Variants in LDB2 observed in about 807,000 individuals in gnomAD.
LDB2 encodes LIM domain binding 2.
Under a neutral mutation model 44.3 loss-of-function variants are expected in LDB2, and 12 were observed. That is an observed-to-expected ratio of 0.27 (90% CI 0.17 to 0.44). The LOEUF is 0.44. Ranked by LOEUF, LDB2 falls within the 20% of genes least tolerant of loss-of-function variation. The pLI, the probability that LDB2 is intolerant of heterozygous loss-of-function variation, is 1.00. For synonymous variants in LDB2, 164 were observed against 174.8 expected (o/e 0.94, Z 0.49); for missense variants, 344 against 473.5 (o/e 0.73, Z 2.54).
chr4:16,697,266 TACACAC>T (rs57040700), intron 2 of LDB2, among the ~76,000 whole-genome samples: 2,417 of 130,732 alleles, frequency 0.018, 47 homozygotes, highest in African/African-American at 0.038. Context: ...CTACTAAAAA[TACACAC>T]ACACACACAC....
chr4:16,788,244 C>T (rs577075425), intron 1 of LDB2, among the ~76,000 whole-genome samples: 8 of 152,296 alleles, frequency 5.3e-5, no homozygotes, highest in African/African-American at 1.2e-4. Flanking sequence ...CAGGAGCCTC[C>T]GCTCTCCACA....
chr4:16,779,172 T>C (rs1282448656), intron 1 of LDB2, among the ~76,000 whole-genome samples: 2 of 152,100 alleles, frequency 1.3e-5, no homozygotes, highest in Non-Finnish European at 2.9e-5. Context: ...TTTGGGAGCC[T>C]GGGATTTGAA....
chr4:16,608,447 A>G (rs1029073388), intron 2 of LDB2, among the ~76,000 whole-genome samples: 26 of 152,296 alleles, frequency 1.7e-4, no homozygotes, highest in African/African-American at 5.8e-4. Context: ...GAACAGCCCA[A>G]TTATACCCAC....
At chr4:16,607,999 A>G (rs1222989000) in intron 2 of LDB2, among the ~76,000 whole-genome samples, 3 of 152,104 alleles carry the variant, frequency 2.0e-5, no homozygotes, top group Non-Finnish European at 4.4e-5. Flanking sequence ...TGGAATTTTC[A>G]TATCTCAATG....
intron 1 of LDB2, among the ~76,000 whole-genome samples, chr4:16,886,591 T>G (rs1428007132): frequency 6.6e-6 from 1 of 152,220 alleles, no homozygotes; most frequent in Non-Finnish European, 1.5e-5. Context: ...ACATTAATAA[T>G]GTACTGTTTT....
rs191037234 is a variant in LDB2, at chr4:16,887,924, A to T, written c.132+10430T>A. 7.9e-4 allele frequency among the ~76,000 whole-genome samples: 121 copies of T among 152,230 alleles called. No homozygotes were observed. In the East Asian group the frequency reaches 0.022, roughly 28 times the overall value. On this transcript the variant is annotated intron_variant, in intron 1 of 7. Transcript: ENST00000304523. ...TAGTGCCCACTTGCATCTGTAAAAA[A>T]AAAAGAGACAGGTAGCGTTACTACC...
intron 1 of LDB2, among the ~76,000 whole-genome samples, chr4:16,808,665 G>T (rs1397640585): frequency 1.3e-5 from 2 of 152,130 alleles, no homozygotes; most frequent in African/African-American, 2.4e-5. Flanking sequence ...AGAAATAAAG[G>T]TTATTGTTTT....
chr4:16,714,660 A>G (rs941668012), intron 2 of LDB2, among the ~76,000 whole-genome samples: 6 of 152,110 alleles, frequency 3.9e-5, no homozygotes, highest in Non-Finnish European at 7.4e-5. Context: ...ATTCTCTTAC[A>G]GTTGTAGAGG....
chr4:16,788,372 C>T (rs951798873), intron 1 of LDB2, among the ~76,000 whole-genome samples: 2 of 152,178 alleles, frequency 1.3e-5, no homozygotes, highest in Non-Finnish European at 2.9e-5. Context: ...GCTTCCCCAC[C>T]TCAAGCAACC....
intron 7 of LDB2, among the ~76,000 whole-genome samples, chr4:16,503,988 A>T (rs1438966084): frequency 6.6e-6 from 1 of 152,146 alleles, no homozygotes; most frequent in African/African-American, 2.4e-5. Flanking sequence ...TGTCAGGTGG[A>T]TTCTTCTGGG....
chr4:16,768,055 C>T (rs1222165746), intron 1 of LDB2, among the ~76,000 whole-genome samples: 2 of 152,120 alleles, frequency 1.3e-5, no homozygotes, highest in Non-Finnish European at 1.5e-5. Flanking sequence ...TGACAGGTTA[C>T]GTGGGATTTT....
chr4:16,727,626 C>A lies in LDB2; in HGVS notation c.235+31532G>T, dbSNP rs1232186317. Among the ~76,000 whole-genome samples the A allele has an allele frequency of 5.3e-5, 8 of 152,284 alleles. No individual in the cohort carries two copies. In the East Asian group the frequency reaches 1.5e-3, roughly 29 times the overall value. On this transcript the variant is annotated intron_variant, in intron 2 of 7. Transcript: ENST00000304523. Reference sequence around the variant, plus strand: ...TGACATTTTGCTTTGAAGAGAGGTACTTTATAGCTACTTCTGAAATATTCG... The same window carrying A: ...TGACATTTTGCTTTGAAGAGAGGTAATTTATAGCTACTTCTGAAATATTCG...
intron 1 of LDB2, among the ~76,000 whole-genome samples, chr4:16,838,507 C>G (rs185141175): frequency 1.7e-3 from 252 of 152,282 alleles, no homozygotes; most frequent in Non-Finnish European, 4.1e-4. Flanking sequence ...TCTGTGAAAC[C>G]TACAGCTGAG....
intron 2 of LDB2, among the ~76,000 whole-genome samples, chr4:16,678,469 G>T (rs2152565376): frequency 6.6e-6 from 1 of 152,264 alleles, no homozygotes; most frequent in South Asian, 2.1e-4. Context: ...CAGTGTTGGG[G>T]ACTAGTGTGG....
At chr4:16,868,347 C>A (rs1715380158) in intron 1 of LDB2, among the ~76,000 whole-genome samples, 1 of 152,168 alleles carries the variant, frequency 6.6e-6, no homozygotes, top group Non-Finnish European at 1.5e-5. Flanking sequence ...TTCTCAGGTT[C>A]CAGGGGCAGC....
intron 2 of LDB2, among the ~76,000 whole-genome samples, chr4:16,601,592 T>A (rs1722593868): frequency 6.6e-6 from 1 of 152,188 alleles, no homozygotes; most frequent in Non-Finnish European, 1.5e-5. Context: ...TAAACTTAAT[T>A]ATATTAAAAT....
intron 1 of LDB2, among the ~76,000 whole-genome samples, chr4:16,775,576 A>G (rs1022852195): frequency 1.3e-5 from 2 of 152,216 alleles, no homozygotes; most frequent in African/African-American, 4.8e-5. Flanking sequence ...CATTATTACT[A>G]TGGTTGTCAG....
At chr4:16,818,148 C>T (rs976576489) in intron 1 of LDB2, among the ~76,000 whole-genome samples, 2 of 152,066 alleles carry the variant, frequency 1.3e-5, no homozygotes, top group African/African-American at 4.8e-5. Context: ...ACTGGAAGGC[C>T]GGGCCTCTGC....
At chr4:16,520,071 T>G (rs1185803366) in intron 5 of LDB2, among the ~76,000 whole-genome samples, 1 of 152,018 alleles carries the variant, frequency 6.6e-6, no homozygotes, top group Non-Finnish European at 1.5e-5. Context: ...ATAACCCATA[T>G]TTAGAATTCA....
Sources: gnomAD v4.1 joint callset for allele counts (sites outside exome capture counted in the v4.1 genomes callset) on GRCh38, gnomAD v4.1.1 for gene constraint, MANE v1.5 for transcripts, NCBI Gene and HGNC (gene_info 2026-07-23, HGNC 2026-07-21) for gene names.